The following COL6A3 variants were observed in gnomAD, a reference collection of about 807,000 sequenced individuals.
COL6A3 encodes the protein collagen type VI alpha 3 chain.
In COL6A3, 137 loss-of-function variants were observed where a neutral mutation model predicts 274.1. The observed-to-expected ratio is 0.50, with a 90% CI of 0.44 to 0.58. The LOEUF is 0.58. COL6A3 is among the 20% of genes least tolerant of loss of function. The probability of loss-of-function intolerance (pLI) is 0.00; values close to 1 mark genes in which losing one functional copy is unlikely to be tolerated. For missense variants in COL6A3, 3,950 were observed against 4,124.9 expected, an observed-to-expected ratio of 0.96 and a Z score of 1.16; for synonymous variants, 1,650 against 1,650.6, an observed-to-expected ratio of 1.00 and a Z score of 0.01.
In COL6A3 at chr2:237,407,707, A is replaced by G. The variant is rs992330944; in HGVS notation, c.-31+6246T>C. ...TAATAACCATGAGGCAGAAAGTTCC[A>G]TATCTGGTGTGATTTGAAAAGCTAG... On this transcript the variant is annotated intron_variant, in intron 1 of 43. Transcript: ENST00000295550. This position sits in a 1 kb window ranked among gnomAD's most constrained non-coding sequence, Gnocchi z 4.3. Among the ~76,000 whole-genome samples the G allele has an allele frequency of 2.0e-5, 3 of 152,252 alleles. No individual in the cohort carries two copies. Among genetic ancestry groups the G allele is most frequent in the Non-Finnish European group, 4.4e-5 (3 of 68,042 alleles).
In COL6A3 at chr2:237,336,188, C is replaced by T. The variant is rs765061674; in HGVS notation, c.8912G>A (p.Arg2971Lys). The T allele has an allele frequency of 6.2e-7, 1 of 1,613,800 alleles. No individual in the cohort carries two copies. The highest frequency in any genetic ancestry group is 8.5e-7 in the Non-Finnish European group (1 of 1,180,002). The change falls in exon 40 of 44, where the codon AGG becomes AAG. Residue 2971 changes from arginine to lysine, a missense_variant. Transcript: ENST00000295550. ...GGCAGCTGGTTTGGCTGCCTGTGGCCTAGGGACCTCAGGCTTGGTCGCCAC... is the reference window on the plus strand; with the variant it reads ...GGCAGCTGGTTTGGCTGCCTGTGGCTTAGGGACCTCAGGCTTGGTCGCCAC... ...KPVATKPEVP[R>K]PQAAKPAATK... is the part of the protein sequence containing the mutation.
chr2:237,377,373 G>C (rs1254386225), intron 6 of COL6A3, 29 bp from the exon 7 acceptor site: 2 of 1,594,992 alleles, frequency 1.3e-6, no homozygotes, highest in South Asian at 2.2e-5. Context: ...AGGATACAAT[G>C]AGGGACGAGA....
At chr2:237,375,580 T>C (rs2077816623) in intron 7 of COL6A3, among the ~76,000 whole-genome samples, 1 of 152,206 alleles carries the variant, frequency 6.6e-6, no homozygotes, top group Admixed American at 6.5e-5. Flanking sequence ...TTCGCTCTTG[T>C]CGCCCAGGCT....
intron 17 of COL6A3, 54 bp downstream of exon 17, chr2:237,360,034 C>T (rs1436284999): frequency 1.8e-5 from 28 of 1,580,044 alleles, no homozygotes; most frequent in Non-Finnish European, 2.3e-5. Context: ...TCTGGAGAAA[C>T]TGCGAGTCAC....
At chr2:237,337,149 C>T (rs1027458037) in intron 39 of COL6A3, among the ~76,000 whole-genome samples, 6 of 152,140 alleles carry the variant, frequency 3.9e-5, no homozygotes, top group African/African-American at 1.2e-4. Context: ...CACTTCATAG[C>T]TTTCTTGATC....
intron 42 of COL6A3, among the ~76,000 whole-genome samples, chr2:237,332,117 A>ATATATATG (rs35490728): frequency 0.012 from 785 of 64,162 alleles, 163 homozygotes; most frequent in Non-Finnish European, 0.014. Flanking sequence ...ATATATATAT[A>ATATATATG]TGAAAAGAAA....
At position 237,372,233 on chromosome 2, in the gene COL6A3, G is replaced by A. The variant is rs1010677648; in HGVS notation, c.3784C>T (p.Leu1262=). Residue 1262 remains leucine (L), a synonymous_variant, in exon 9 of 44, where the codon CTG becomes TTG. Coordinates refer to ENST00000295550, the MANE Select transcript of COL6A3 (RefSeq NM_004369.4). ...RTLIERLVDY[L]DVGFDTTRVA... is the part of the protein sequence containing the mutation. ...CGGGTGGTGTCAAAGCCCACGTCCA[G>A]GTAGTCAACCAGCCTCTCTATGAGG... The A allele has an allele frequency of 2.5e-6, 4 of 1,614,088 alleles. No individual in the cohort carries two copies. Among genetic ancestry groups the A allele is most frequent in the Non-Finnish European group, 3.4e-6 (4 of 1,180,036 alleles).
At chr2:237,398,935 A>T (rs2078520491) in intron 1 of COL6A3, among the ~76,000 whole-genome samples, 1 of 152,178 alleles carries the variant, frequency 6.6e-6, no homozygotes, top group Non-Finnish European at 1.5e-5. Context: ...TGATCATTGC[A>T]GTTTTTCATA....
intron 41 of COL6A3, among the ~76,000 whole-genome samples, chr2:237,333,913 G>T (rs1383256175): frequency 6.6e-6 from 1 of 152,160 alleles, no homozygotes; most frequent in Non-Finnish European, 1.5e-5. Flanking sequence ...CCTCAAGCTG[G>T]TTCCTTGATC....
rs112811090 is a variant in COL6A3, at chr2:237,353,490, G to A, written c.6628-87C>T. 1.8e-3 allele frequency: 2,181 copies of A among 1,199,736 alleles called. 3 individuals are homozygous for A. Among genetic ancestry groups the A allele is most frequent in the Non-Finnish European group, 2.5e-3 (2,008 of 816,800 alleles). The allele number at this position is 1,199,736 out of a possible 1,614,324, so 74.3% of individuals were successfully genotyped here. A position where few individuals can be genotyped will look rare whatever the true frequency, so the allele number is the denominator to read the frequency against. ...GCTCTACAGTCATTTCTGGGCCAGG[G>A]ACTTGGAAAGCAACCAGGGAAAACT... On this transcript the variant is annotated intron_variant, in intron 24 of 43. Transcript: ENST00000295550.
At chr2:237,385,421 T>C (rs1353433467) in intron 4 of COL6A3, among the ~76,000 whole-genome samples, 1 of 152,236 alleles carries the variant, frequency 6.6e-6, no homozygotes, top group African/African-American at 2.4e-5. Flanking sequence ...CCCATTTTCA[T>C]TAAAAAGTTG....
chr2:237,380,631 T>C (rs555828145), intron 5 of COL6A3, among the ~76,000 whole-genome samples: 4 of 152,300 alleles, frequency 2.6e-5, no homozygotes, highest in Non-Finnish European at 4.4e-5. Flanking sequence ...CGATAAGAAC[T>C]GAGATGTGAC....
At position 237,375,559 on chromosome 2, in the gene COL6A3, G is replaced by A. The variant is rs183974577; in HGVS notation, c.3071-539C>T. ...TGTTTTGCAGTGGAGGGGTCGGGGGGTGGACAGAATTTCGCTCTTGTCGCC... is the reference window on the plus strand; with the variant it reads ...TGTTTTGCAGTGGAGGGGTCGGGGGATGGACAGAATTTCGCTCTTGTCGCC... On this transcript the variant is annotated intron_variant, in intron 7 of 43. Transcript: ENST00000295550. Among the ~76,000 whole-genome samples the A allele has an allele frequency of 2.0e-5, 3 of 152,208 alleles. No homozygotes were observed. In the East Asian group the frequency reaches 5.8e-4, roughly 29 times the overall value.
Position 237,344,421 on chromosome 2 carries a change from GCTTGAGCACAGCCTC to G in COL6A3, c.7582_7596del (p.Glu2528_Lys2532del). On this transcript the variant is annotated inframe_deletion, in exon 36 of 44. Transcript: ENST00000295550. This position sits in a 1 kb window ranked among gnomAD's most constrained non-coding sequence, Gnocchi z 4.8. ...AAGGGGGTGATCCCCGCATCTGAGAGCTTGAGCACAGCCTCTCTGAGCTGTGGGGATGCTCTTGTG... is the reference window on the plus strand; with the variant it reads ...AAGGGGGTGATCCCCGCATCTGAGAGTCTGAGCTGTGGGGATGCTCTTGTG... 6.2e-7 allele frequency: 1 copy of G among 1,614,194 alleles called. No individual in the cohort carries two copies. Among genetic ancestry groups the G allele is most frequent in the Non-Finnish European group, 8.5e-7 (1 of 1,180,014 alleles).
At position 237,376,622 on chromosome 2, in the gene COL6A3, G is replaced by C. The variant is rs1335960315; in HGVS notation, c.3070+150C>G. On this transcript the variant is annotated intron_variant, in intron 7 of 43. Transcript: ENST00000295550. ...AAGGAGGGACATCTCATATTCTATT[G>C]TTCCTGCTGAAACCAGCAGGTGATT... is the stretch of plus-strand genomic sequence containing the variant. The C allele has an allele frequency of 7.5e-6, 6 of 800,020 alleles. No individual in the cohort carries two copies. The East Asian group carries it at 1.2e-4, about 16-fold the overall frequency. The allele number at this position is 800,020 out of a possible 1,614,324, so 49.6% of individuals were successfully genotyped here. A position where few individuals can be genotyped will look rare whatever the true frequency, so the allele number is the denominator to read the frequency against.
At chr2:237,358,403 T>C in intron 21 of COL6A3, 118 bp downstream of exon 21, 1 of 877,162 alleles carries the variant, frequency 1.1e-6, no homozygotes, top group South Asian at 1.4e-5. Flanking sequence ...ACAAAGCACA[T>C]ATTTTATCAA....
At chr2:237,332,573 GAA>G (rs1339536892) in intron 42 of COL6A3, among the ~76,000 whole-genome samples, 7 of 152,164 alleles carry the variant, frequency 4.6e-5, no homozygotes, top group Non-Finnish European at 1.5e-5. Flanking sequence ...ATTGTGAAGA[GAA>G]ATGCTTTCCT....
At position 237,371,767 on chromosome 2, in the gene COL6A3, T is replaced by C. The variant is rs1326142296; in HGVS notation, c.4250A>G (p.Gln1417Arg). Residue 1417 changes from glutamine (Q) to arginine (R), a missense_variant, in exon 9 of 44, where the codon CAG becomes CGG. By Grantham distance (43) the Gln-to-Arg change is conservative. Around this residue, in one of 5 missense-constraint regions of COL6A3, gnomAD observed 1,934 missense variants for 1,984.3 expected, o/e 0.97. Coordinates refer to ENST00000295550, the MANE Select transcript of COL6A3 (RefSeq NM_004369.4). This position sits in a 1 kb window ranked among gnomAD's most constrained non-coding sequence, Gnocchi z 4.3. ...PITTLTSEQI[Q>R]KLLASTRYPP... ...ATAGCGAGTGCTGGCTAAGAGCTTC[T>C]GGATCTGCTCTGAGGTCAGGGTCGT... The C allele has an allele frequency of 6.2e-7, 1 of 1,610,790 alleles. No individual in the cohort carries two copies. Among genetic ancestry groups the C allele is most frequent in the East Asian group, 2.2e-5 (1 of 44,792 alleles).
At chr2:237,351,274 C>A in intron 26 of COL6A3, 82 bp from the exon 27 acceptor site, 3 of 1,370,840 alleles carry the variant, frequency 2.2e-6, no homozygotes, top group Admixed American at 1.7e-5. Context: ...CTCTCCCCTG[C>A]ATGGAAGTCA....
Sources: gnomAD v4.1 joint callset for allele counts (sites outside exome capture counted in the v4.1 genomes callset) on GRCh38, gnomAD v4.1.1 for gene constraint, gnomAD v4.1.1 regional missense constraint, Gnocchi (gnomAD v3.1) non-coding constraint, MANE v1.5 for transcripts, NCBI Gene and HGNC (gene_info 2026-07-23, HGNC 2026-07-21) for gene names.